The following VAV3 variants were observed in gnomAD, a reference collection of about 807,000 sequenced individuals.
VAV3 encodes the protein vav guanine nucleotide exchange factor 3.
A neutral mutation model predicts 131.2 loss-of-function variants in VAV3; 94 were observed. The ratio of observed to expected loss-of-function variants is 0.72; its 90% CI spans 0.61 to 0.85. The LOEUF (loss-of-function observed/expected upper bound fraction) is 0.85, where lower values mean the gene tolerates loss of function less well. Ranked by LOEUF, VAV3 falls within the 40% of genes least tolerant of loss-of-function variation. VAV3 has a pLI of 0.00. For missense variants in VAV3, 939 were observed against 1,002.7 expected, an observed-to-expected ratio of 0.94 and a Z score of 0.86; for synonymous variants, 349 against 342.0, an observed-to-expected ratio of 1.02 and a Z score of -0.22.
chr1:107,847,403 G>T (rs1379955018), intron 2 of VAV3, among the ~76,000 whole-genome samples: 1 of 151,916 alleles, frequency 6.6e-6, no homozygotes, highest in Non-Finnish European at 1.5e-5. Context: ...GCTAGCAGAA[G>T]GCAAGAAATA....
chr1:107,865,812 C>A (rs888411895), intron 2 of VAV3, among the ~76,000 whole-genome samples: 10 of 152,136 alleles, frequency 6.6e-5, no homozygotes, highest in Non-Finnish European at 1.5e-4. Context: ...GATAACTTGG[C>A]AGCTGATGCA....
intron 21 of VAV3, among the ~76,000 whole-genome samples, chr1:107,615,024 T>C (rs1396578922): frequency 1.3e-5 from 2 of 152,138 alleles, no homozygotes; most frequent in East Asian, 1.9e-4. Context: ...AAAAACTAGA[T>C]AGAGAATCAT....
chr1:107,884,689 A>C (rs1214079846), intron 1 of VAV3, among the ~76,000 whole-genome samples: 9 of 151,792 alleles, frequency 5.9e-5, no homozygotes, highest in Admixed American at 5.3e-4. Flanking sequence ...GGTTCAAATG[A>C]TCCTCCCACC....
At chr1:107,872,016 T>C (rs1181854945) in intron 2 of VAV3, among the ~76,000 whole-genome samples, 1 of 152,198 alleles carries the variant, frequency 6.6e-6, no homozygotes. Flanking sequence ...CCTGTGTTTT[T>C]TAATTTTATA....
chr1:107,749,603 AAG>A lies in VAV3; in HGVS notation c.1260-11_1260-10del. 6.2e-7 allele frequency: 1 copy of A among 1,608,092 alleles called. No individual in the cohort carries two copies. The highest frequency in any genetic ancestry group is 2.2e-5 in the East Asian group (1 of 44,706). ...CAAATAAGAAGATATGCCTGGGAAA[AAG>A]AGATTGATTGATTGATTTTAAATGG... On this transcript the variant is annotated splice_polypyrimidine_tract_variant and intron_variant, in intron 13 of 26. Coordinates refer to ENST00000370056, the MANE Select transcript of VAV3 (RefSeq NM_006113.5).
chr1:107,586,387 G>A (rs941330272), intron 25 of VAV3, among the ~76,000 whole-genome samples: 2 of 152,140 alleles, frequency 1.3e-5, no homozygotes, highest in Non-Finnish European at 2.9e-5. Context: ...TATGGAGGAG[G>A]TTAATGGTGA....
At chr1:107,936,604 C>T (rs1167160789) in intron 1 of VAV3, among the ~76,000 whole-genome samples, 1 of 152,088 alleles carries the variant, frequency 6.6e-6, no homozygotes, top group Admixed American at 6.6e-5. Flanking sequence ...CAAAGCTGGC[C>T]AAGTGACTCA....
intron 9 of VAV3, among the ~76,000 whole-genome samples, chr1:107,763,207 T>C (rs1016546090): frequency 3.9e-5 from 6 of 152,220 alleles, no homozygotes; most frequent in African/African-American, 1.2e-4. Flanking sequence ...GTTAGAAGTG[T>C]GGGCTTTTAA....
chr1:107,721,883 G>A (rs952019476), intron 15 of VAV3, among the ~76,000 whole-genome samples: 1 of 152,204 alleles, frequency 6.6e-6, no homozygotes, highest in Non-Finnish European at 1.5e-5. Flanking sequence ...AATATGGGGT[G>A]ACAGTAGTCC....
intron 19 of VAV3, among the ~76,000 whole-genome samples, chr1:107,664,265 G>C (rs1253392236): frequency 1.3e-5 from 2 of 152,010 alleles, no homozygotes; most frequent in African/African-American, 4.8e-5. Context: ...CATCTGCCAT[G>C]GTGGTTTGCT....
chr1:107,855,191 C>G (rs536384622), intron 2 of VAV3, among the ~76,000 whole-genome samples: 1 of 152,286 alleles, frequency 6.6e-6, no homozygotes, highest in Admixed American at 6.5e-5. Context: ...TACCCCAAAA[C>G]AAGAAGAAAT....
intron 15 of VAV3, among the ~76,000 whole-genome samples, chr1:107,730,865 G>A (rs1310387300): frequency 6.6e-6 from 1 of 152,132 alleles, no homozygotes; most frequent in Non-Finnish European, 1.5e-5. Flanking sequence ...TGCTACAAAT[G>A]AGGCAGCATG....
chr1:107,821,062 C>G (rs994172071), intron 2 of VAV3, among the ~76,000 whole-genome samples: 8 of 152,118 alleles, frequency 5.3e-5, no homozygotes, highest in African/African-American at 1.9e-4. Context: ...TATAAAAAAG[C>G]AAGCTCCTCA....
At chr1:107,587,575 A>G (rs1398916964) in intron 25 of VAV3, among the ~76,000 whole-genome samples, 1 of 152,146 alleles carries the variant, frequency 6.6e-6, no homozygotes, top group Non-Finnish European at 1.5e-5. Context: ...GTATGTATGT[A>G]TGTATGCATG....
At chr1:107,781,103 T>C (rs1665661098) in intron 2 of VAV3, among the ~76,000 whole-genome samples, 1 of 152,114 alleles carries the variant, frequency 6.6e-6, no homozygotes, top group Admixed American at 6.5e-5. Flanking sequence ...TATATGGTTG[T>C]AGTTAGAAAC....
intron 1 of VAV3, among the ~76,000 whole-genome samples, chr1:107,925,343 A>G (rs1036155114): frequency 6.6e-6 from 1 of 152,174 alleles, no homozygotes; most frequent in African/African-American, 2.4e-5. Context: ...ACAAACCAAT[A>G]TTACACTTTA....
In VAV3 at chr1:107,758,993, G is replaced by C. The variant is rs774553065; in HGVS notation, c.1018-1664C>G. On this transcript the variant is annotated intron_variant, in intron 10 of 26. Coordinates refer to ENST00000370056, the MANE Select transcript of VAV3 (RefSeq NM_006113.5). ...AACTCAAGAGTTACTCCTCTGGGGA[G>C]TCTTCTATGACAGAGGCCTCTACTC... Among the ~76,000 whole-genome samples the C allele has an allele frequency of 2.6e-5, 4 of 152,106 alleles. 1 individual carries two copies.
At chr1:107,657,583 C>A (rs1397041690) in intron 19 of VAV3, among the ~76,000 whole-genome samples, 1 of 152,098 alleles carries the variant, frequency 6.6e-6, no homozygotes, top group Non-Finnish European at 1.5e-5. Context: ...TTAGACACCA[C>A]AGTGGTTCAT....
intron 1 of VAV3, among the ~76,000 whole-genome samples, chr1:107,912,283 T>A (rs921814372): frequency 1.3e-5 from 2 of 152,254 alleles, no homozygotes; most frequent in African/African-American, 4.8e-5. Flanking sequence ...TAATGCTTTG[T>A]TGCTTTGTAA....
Sources: allele counts gnomAD v4.1 joint callset (sites outside exome capture counted in the v4.1 genomes callset), GRCh38; gene constraint gnomAD v4.1.1; transcripts MANE v1.5; gene names NCBI Gene and HGNC (gene_info 2026-07-23, HGNC 2026-07-21).